The following GKAP1 variants were observed in gnomAD, a reference collection of about 807,000 sequenced individuals.
The protein encoded by GKAP1 is G kinase-anchoring protein 1.
GKAP1 carries 31 observed loss-of-function variants against 56.7 expected under a neutral mutation model. The observed-to-expected ratio is 0.55, with a 90% CI of 0.41 to 0.74. The LOEUF (loss-of-function observed/expected upper bound fraction) is 0.74. GKAP1 is among the 30% of genes least tolerant of loss of function. The pLI is 0.00. For synonymous variants in GKAP1, 151 were observed against 138.6 expected (o/e 1.09, Z -0.63); for missense variants, 364 against 402.3 (o/e 0.90, Z 0.82).
At chr9:83,774,701 CCTTTTTTTTTTTTT>C (rs1273424125) in intron 7 of GKAP1, among the ~76,000 whole-genome samples, 2 of 100,942 alleles carry the variant, frequency 2.0e-5, no homozygotes, top group East Asian at 6.4e-4. Flanking sequence ...ACAGAAACCC[CCTTTTTTTTTTTTT>C]TTTTTTTTTT....
At chr9:83,809,313 G>C (rs1198932878) in intron 2 of GKAP1, among the ~76,000 whole-genome samples, 1 of 152,196 alleles carries the variant, frequency 6.6e-6, no homozygotes, top group Non-Finnish European at 1.5e-5. Flanking sequence ...CCCTGAAAAA[G>C]TAAAAGCCTC....
chr9:83,806,623 C>A, intron 2 of GKAP1, 63 bp from the exon 3 acceptor site: 1 of 890,186 alleles, frequency 1.1e-6, no homozygotes, highest in South Asian at 1.7e-5. Context: ...GTTGTAGATT[C>A]TAAAACAACC....
At chr9:83,787,680 A>G (rs1410510914) in intron 5 of GKAP1, among the ~76,000 whole-genome samples, 1 of 152,250 alleles carries the variant, frequency 6.6e-6, no homozygotes, top group Non-Finnish European at 1.5e-5. Flanking sequence ...GTTACGGAAT[A>G]AAATGTTAAA....
chr9:83,755,337 C>T (rs564281162), intron 8 of GKAP1, among the ~76,000 whole-genome samples: 3 of 152,188 alleles, frequency 2.0e-5, no homozygotes, highest in African/African-American at 7.2e-5. Context: ...ATAATATTTG[C>T]ATGATTCCAA....
At chr9:83,740,475 T>C (rs1454399852) in intron 12 of GKAP1, among the ~76,000 whole-genome samples, 7 of 152,122 alleles carry the variant, frequency 4.6e-5, no homozygotes, top group Non-Finnish European at 7.4e-5. Context: ...AAATCATCAA[T>C]AGCTACTCTA....
At position 83,816,031 on chromosome 9, in the gene GKAP1, C is replaced by CAAAA. The variant is rs72114457; in HGVS notation, c.-44+961_-44+964dup. Among the ~76,000 whole-genome samples, 327 of 91,394 alleles carry CAAAA rather than the reference C, an allele frequency of 3.6e-3. 6 individuals are homozygous for CAAAA. The highest frequency in any genetic ancestry group is 0.011 in the African/African-American group (290 of 25,862). 60.0% of individuals were successfully genotyped at this position (91,394 alleles called of 152,430 possible). A position where few individuals can be genotyped will look rare whatever the true frequency, so the allele number is the denominator to read the frequency against. ...CGAAACACCGTCTGTATTAAAAATA[C>CAAAA]AAAAAAAAAAAAAAAAAAAATTAGC... On this transcript the variant is annotated intron_variant, in intron 2 of 12. Coordinates refer to ENST00000376371, the MANE Select transcript of GKAP1 (RefSeq NM_025211.4).
chr9:83,817,218 G>A (rs1307744043), intron 1 of GKAP1, 91 bp from the exon 2 acceptor site: 1 of 151,854 alleles, frequency 6.6e-6, no homozygotes, highest in Non-Finnish European at 1.5e-5. Flanking sequence ...GCGGCGGGGA[G>A]GGGACGGTGG....
intron 4 of GKAP1, chr9:83,789,064 A>G (rs1024407491): frequency 6.5e-6 from 1 of 155,010 alleles, no homozygotes. Flanking sequence ...AAATAACTCA[A>G]TAAGCATTAT....
chr9:83,811,369 G>C (rs150146191), intron 2 of GKAP1, among the ~76,000 whole-genome samples: 1 of 152,290 alleles, frequency 6.6e-6, no homozygotes, highest in African/African-American at 2.4e-5. Context: ...ACATACTACG[G>C]AAGGAAAATA....
At chr9:83,763,852 T>C (rs1421144) in intron 8 of GKAP1, among the ~76,000 whole-genome samples, 26,771 of 152,160 alleles carry the variant, frequency 0.18, 2,926 homozygotes, top group Non-Finnish European at 0.24. Flanking sequence ...TAATAATCGA[T>C]AAAACTGTTT....
intron 7 of GKAP1, among the ~76,000 whole-genome samples, chr9:83,772,283 G>C (rs1415414347): frequency 2.0e-5 from 3 of 152,126 alleles, no homozygotes; most frequent in Non-Finnish European, 4.4e-5. Context: ...TGAGAATCTA[G>C]ATATGAGCCT....
At chr9:83,798,734 T>C (rs1944286388) in intron 4 of GKAP1, among the ~76,000 whole-genome samples, 1 of 152,074 alleles carries the variant, frequency 6.6e-6, no homozygotes, top group Admixed American at 6.6e-5. Context: ...CAGGGTGGTC[T>C]CAAACTCCTA....
chr9:83,769,123 A>G (rs981975323), intron 7 of GKAP1, among the ~76,000 whole-genome samples, 153 bp from the exon 8 acceptor site: 2 of 152,258 alleles, frequency 1.3e-5, no homozygotes, highest in Admixed American at 1.3e-4. Context: ...CTAAGAGACA[A>G]TCAACGACTT....
At chr9:83,759,138 ACC>A (rs1157340310) in intron 8 of GKAP1, among the ~76,000 whole-genome samples, 1 of 151,930 alleles carries the variant, frequency 6.6e-6, no homozygotes, top group Non-Finnish European at 1.5e-5. Flanking sequence ...CCCCAATCAT[ACC>A]CCTTTTCCCT....
At chr9:83,777,817 AT>A (rs1343820709) in intron 7 of GKAP1, among the ~76,000 whole-genome samples, 1 of 152,206 alleles carries the variant, frequency 6.6e-6, no homozygotes, top group Admixed American at 6.5e-5. Flanking sequence ...AGCAAATAAC[AT>A]TTTGTTTGAG....
At chr9:83,779,656 C>T (rs1943938724) in intron 7 of GKAP1, among the ~76,000 whole-genome samples, 1 of 146,548 alleles carries the variant, frequency 6.8e-6, no homozygotes, top group African/African-American at 2.5e-5. Flanking sequence ...AAAGTGAAAT[C>T]GAGGACCATC....
intron 8 of GKAP1, among the ~76,000 whole-genome samples, chr9:83,760,769 GT>G (rs1160471659): frequency 2.6e-5 from 4 of 152,118 alleles, no homozygotes; most frequent in Non-Finnish European, 5.9e-5. Context: ...TGAATGATCA[GT>G]GGGTCAATGA....
intron 9 of GKAP1, among the ~76,000 whole-genome samples, chr9:83,750,782 C>T (rs550378391): frequency 2.7e-4 from 41 of 152,270 alleles, no homozygotes; most frequent in African/African-American, 9.1e-4. Flanking sequence ...GTGCCAGCTA[C>T]TTAATAATTA....
intron 12 of GKAP1, among the ~76,000 whole-genome samples, chr9:83,741,356 T>TCA: frequency 1.2e-5 from 1 of 86,072 alleles, no homozygotes; most frequent in African/African-American, 3.4e-5. Context: ...CATAAATATA[T>TCA]CTCTCACACA....
Sources: gnomAD v4.1 joint callset for allele counts (sites outside exome capture counted in the v4.1 genomes callset) on GRCh38, gnomAD v4.1.1 for gene constraint, MANE v1.5 for transcripts, NCBI Gene and HGNC (gene_info 2026-07-23, HGNC 2026-07-21) for gene names.